BNC2: variants seen among roughly 807,000 people sequenced by gnomAD.
BNC2 encodes the protein zinc finger protein basonuclin-2.
In BNC2, 20 loss-of-function variants were observed where a neutral mutation model predicts 76.3. The observed-to-expected ratio is 0.26, with a 90% CI of 0.18 to 0.38. The LOEUF is 0.38. Among genes scored for constraint, BNC2 ranks in the 10% least tolerant of loss-of-function variants. The pLI is 1.00. For missense variants in BNC2, 1,382 were observed against 1,399.8 expected (o/e 0.99, Z 0.20); for synonymous variants, 582 against 514.8 (o/e 1.13, Z -1.77).
intron 3 of BNC2, among the ~76,000 whole-genome samples, chr9:16,643,638 T>G (rs1301736288): frequency 6.6e-6 from 1 of 152,086 alleles, no homozygotes; most frequent in African/African-American, 2.4e-5. Flanking sequence ...TTGCTTTTTT[T>G]GCATGAAAAA....
chr9:16,571,099 G>A (rs920636533), intron 4 of BNC2, among the ~76,000 whole-genome samples: 2 of 152,118 alleles, frequency 1.3e-5, no homozygotes, highest in African/African-American at 4.8e-5. Context: ...TTAAAAACCA[G>A]TAAAAGAAAA....
chr9:16,442,949 T>C (rs757661551), intron 5 of BNC2, among the ~76,000 whole-genome samples: 1 of 146,754 alleles, frequency 6.8e-6, no homozygotes, highest in Non-Finnish European at 1.5e-5. Context: ...CTACTAAAAA[T>C]ACAAAAAAAT....
intron 6 of BNC2, among the ~76,000 whole-genome samples, chr9:16,423,380 G>C (rs1043931087): frequency 1.3e-5 from 2 of 152,174 alleles, no homozygotes; most frequent in African/African-American, 4.8e-5. Flanking sequence ...AAAGTGACTG[G>C]AATGCAGAGA....
Position 16,785,703 on chromosome 9 carries a change from C to T in BNC2, c.4-47218G>A, listed in dbSNP as rs529285582. On this transcript the variant is annotated intron_variant, in intron 1 of 6. Transcript: ENST00000380672. ...CACGCCCAGCCTATGTATTTATTTACGAAAGAATGGATGCAGGCTGGGCGC... is the reference window on the plus strand; with the variant it reads ...CACGCCCAGCCTATGTATTTATTTATGAAAGAATGGATGCAGGCTGGGCGC... Among the ~76,000 whole-genome samples, 6 of 150,912 alleles carry T rather than the reference C, an allele frequency of 4.0e-5. No homozygotes were observed. In the South Asian group the frequency reaches 1.0e-3, roughly 26 times the overall value.
chr9:16,720,763 T>C (rs1824132653), intron 3 of BNC2, among the ~76,000 whole-genome samples: 1 of 152,232 alleles, frequency 6.6e-6, no homozygotes, highest in African/African-American at 2.4e-5. Context: ...TTGAGTAATG[T>C]GTTGTTTTTC....
chr9:16,658,536 A>T (rs1235859755), intron 3 of BNC2, among the ~76,000 whole-genome samples: 2 of 151,916 alleles, frequency 1.3e-5, no homozygotes, highest in African/African-American at 4.8e-5. Context: ...ATTCCTTAAT[A>T]TTTTTTTTCC....
intron 1 of BNC2, among the ~76,000 whole-genome samples, chr9:16,860,024 A>G (rs1300201273): frequency 6.6e-6 from 1 of 152,052 alleles, no homozygotes; most frequent in Non-Finnish European, 1.5e-5. Context: ...TGGGAGACTC[A>G]GGCAGGGGAA....
At position 16,437,407 on chromosome 9, in the gene BNC2, T is replaced by G. The variant is rs768841601; in HGVS notation, c.787A>C (p.Ile263Leu). 3.7e-6 allele frequency: 6 copies of G among 1,611,692 alleles called. No individual in the cohort carries two copies. Among genetic ancestry groups the G allele is most frequent in the Non-Finnish European group, 5.1e-6 (6 of 1,178,186 alleles). Reference sequence around the variant, plus strand: ...ACGGCCTGCCCTTCTTTCTCCTGAATTGCCATCAGCTCCACAATGGATTTG... The same window carrying G: ...ACGGCCTGCCCTTCTTTCTCCTGAAGTGCCATCAGCTCCACAATGGATTTG... ...ETKSIVELMA[I>L]QEKEGQAVAV... The change falls in exon 6 of 7, where the codon ATT becomes CTT. Residue 263 changes from isoleucine to leucine, a missense_variant. Coordinates refer to ENST00000380672, the MANE Select transcript of BNC2 (RefSeq NM_017637.6).
intron 1 of BNC2, chr9:16,867,702 C>T (rs1392197705): frequency 1.3e-5 from 2 of 149,304 alleles, no homozygotes; most frequent in African/African-American, 5.0e-5. Flanking sequence ...ACCCCCCCAC[C>T]CCCACCCCTT....
intron 5 of BNC2, among the ~76,000 whole-genome samples, chr9:16,462,001 C>T (rs1821593304): frequency 1.3e-5 from 2 of 152,078 alleles, no homozygotes; most frequent in Non-Finnish European, 2.9e-5. Flanking sequence ...ATTCACACAC[C>T]TCCAGTTGTA....
chr9:16,759,778 T>C (rs990038709), intron 1 of BNC2, among the ~76,000 whole-genome samples: 4 of 151,312 alleles, frequency 2.6e-5, no homozygotes, highest in Non-Finnish European at 5.9e-5. Flanking sequence ...GACTAGAGTG[T>C]AGTGGCACCA....
At chr9:16,733,503 C>T (rs1371036070) in intron 2 of BNC2, among the ~76,000 whole-genome samples, 1 of 151,748 alleles carries the variant, frequency 6.6e-6, no homozygotes, top group South Asian at 2.1e-4. Context: ...CCTGGACTCA[C>T]ATATGTAAAT....
At chr9:16,665,433 GAAAA>G (rs59184558) in intron 3 of BNC2, among the ~76,000 whole-genome samples, 1 of 80,872 alleles carries the variant, frequency 1.2e-5, no homozygotes, top group Non-Finnish European at 2.6e-5. Flanking sequence ...AGAAAGGAAA[GAAAA>G]GAAAGAAAGA....
intron 3 of BNC2, among the ~76,000 whole-genome samples, chr9:16,595,932 T>C (rs1324286793): frequency 6.6e-6 from 1 of 152,138 alleles, no homozygotes; most frequent in Non-Finnish European, 1.5e-5. Context: ...TAATGTCATC[T>C]TGGGCATGTG....
intron 5 of BNC2, among the ~76,000 whole-genome samples, chr9:16,469,656 C>G (rs1364459666): frequency 2.0e-5 from 3 of 152,164 alleles, no homozygotes; most frequent in Non-Finnish European, 4.4e-5. Flanking sequence ...AACTGGGTAA[C>G]AGGCAGAGGC....
At chr9:16,858,251 G>A (rs1819311063) in intron 1 of BNC2, among the ~76,000 whole-genome samples, 1 of 152,038 alleles carries the variant, frequency 6.6e-6, no homozygotes, top group African/African-American at 2.4e-5. Flanking sequence ...CACCCTTCAG[G>A]GCATGAAGTG....
At chr9:16,480,722 ACCGGG>A (rs1822032434) in intron 5 of BNC2, among the ~76,000 whole-genome samples, 1 of 152,078 alleles carries the variant, frequency 6.6e-6, no homozygotes, top group Non-Finnish European at 1.5e-5. Flanking sequence ...TTGATTTCTC[ACCGGG>A]CCCTAGCTGC....
At position 16,811,420 on chromosome 9, in the gene BNC2, C is replaced by T. The variant is rs533519398; in HGVS notation, c.3+59226G>A. On this transcript the variant is annotated intron_variant, in intron 1 of 6. Transcript: ENST00000380672. ...ACCAAAAATTGGCCAGGCATAGTGG[C>T]GGGCACCTGTAATGCCAGCTACTCA... 9.3e-5 allele frequency among the ~76,000 whole-genome samples: 14 copies of T among 151,136 alleles called. No homozygotes were observed. In the South Asian group the frequency reaches 2.1e-3, roughly 23 times the overall value.
At chr9:16,437,594 G>A (rs1821045621) in intron 5 of BNC2, 70 bp from the exon 6 acceptor site, 3 of 1,531,888 alleles carry the variant, frequency 2.0e-6, no homozygotes, top group African/African-American at 1.4e-5. Context: ...ATTATTCAAT[G>A]CAACTGAAGG....
Sources: allele counts gnomAD v4.1 joint callset (sites outside exome capture counted in the v4.1 genomes callset), GRCh38; gene constraint gnomAD v4.1.1; transcripts MANE v1.5; gene names NCBI Gene and HGNC (gene_info 2026-07-23, HGNC 2026-07-21).